The following WNK2 variants were observed in gnomAD, a reference collection of about 807,000 sequenced individuals.
WNK2 encodes WNK lysine deficient protein kinase 2, also known as serine/threonine-protein kinase WNK2.
In WNK2, 67 loss-of-function variants were observed where a neutral mutation model predicts 192.1. The ratio of observed to expected loss-of-function variants is 0.35; its 90% CI spans 0.29 to 0.43. The LOEUF (loss-of-function observed/expected upper bound fraction) is 0.43, where lower values mean the gene tolerates loss of function less well. WNK2 is among the 20% of genes least tolerant of loss of function. The pLI is 1.00. For missense variants in WNK2, 2,698 were observed against 3,089.7 expected (o/e 0.87, Z 3.01); for synonymous variants, 1,439 against 1,393.9 (o/e 1.03, Z -0.72).
intron 19 of WNK2, among the ~76,000 whole-genome samples, chr9:93,288,578 G>A (rs1371461781): frequency 6.6e-6 from 1 of 152,192 alleles, no homozygotes; most frequent in Admixed American, 6.5e-5. Context: ...GAAGCTGGTG[G>A]CTCAGAGACC....
At chr9:93,271,996 A>G (rs1846065364) in intron 19 of WNK2, among the ~76,000 whole-genome samples, 1 of 152,218 alleles carries the variant, frequency 6.6e-6, no homozygotes, top group South Asian at 2.1e-4. Context: ...GAAAGAAAAA[A>G]CTGTCCATCT....
intron 2 of WNK2, among the ~76,000 whole-genome samples, chr9:93,226,781 G>A (rs1475396480): frequency 6.6e-6 from 1 of 152,116 alleles, no homozygotes; most frequent in African/African-American, 2.4e-5. Flanking sequence ...GCCTTCACCT[G>A]TGCTACTGAG....
At chr9:93,238,470 G>C in intron 6 of WNK2, 149 bp downstream of exon 6, 1 of 745,952 alleles carries the variant, frequency 1.3e-6, no homozygotes, top group Non-Finnish European at 2.3e-6. Flanking sequence ...GGGCTGGTGA[G>C]CATGTCGGCC....
chr9:93,292,160 G>A (rs1471400542), intron 21 of WNK2, 148 bp from the exon 22 acceptor site: 6 of 741,736 alleles, frequency 8.1e-6, no homozygotes, highest in South Asian at 5.1e-5. Context: ...AGCACACACA[G>A]CTGGCTCCTC....
rs1032437275 is a variant in WNK2, at chr9:93,297,943, C to G, written c.5799C>G (p.Asn1933Lys). The G allele has an allele frequency of 1.2e-5, 19 of 1,587,314 alleles. No individual in the cohort carries two copies. The highest frequency in any genetic ancestry group is 1.7e-4 in the Middle Eastern group (1 of 6,050). The change falls in exon 24 of 30, where the codon AAC becomes AAG. Residue 1933 changes from asparagine to lysine, a missense_variant. Asn to Lys is a moderately conservative substitution (Grantham distance 94). This residue lies in a region of WNK2 where 1,098 missense variants were observed against 1,101.0 expected (regional missense o/e 1.00). Transcript: ENST00000427277. ...GCCTGGGCAAGCCACTGCCCCCCAA[C>G]GTGGGCTTCTTCCACACGGCACCCC... ...YRRLGKPLPP[N>K]VGFFHTAPPT...
intron 2 of WNK2, among the ~76,000 whole-genome samples, chr9:93,192,299 G>T (rs1587756721): frequency 6.6e-6 from 1 of 151,824 alleles, no homozygotes; most frequent in East Asian, 1.9e-4. Context: ...GCGACAGAGC[G>T]AGACTCCGTC....
chr9:93,302,734 A>G (rs1851829850), intron 26 of WNK2, among the ~76,000 whole-genome samples: 1 of 152,138 alleles, frequency 6.6e-6, no homozygotes, highest in African/African-American at 2.4e-5. Flanking sequence ...CTCAAGGTGC[A>G]GGACAGGGAA....
intron 7 of WNK2, among the ~76,000 whole-genome samples, chr9:93,244,786 C>T (rs776933668): frequency 2.6e-5 from 4 of 152,342 alleles, no homozygotes; most frequent in African/African-American, 4.8e-5. Context: ...ACACCTGCCT[C>T]GGCCTCCCTG....
chr9:93,202,325 C>CGT (rs761769543), intron 2 of WNK2, among the ~76,000 whole-genome samples: 7,112 of 130,448 alleles, frequency 0.055, 219 homozygotes, highest in African/African-American at 0.082. Context: ...TCCGTGTGCA[C>CGT]GTGTGTGTGT....
At chr9:93,203,076 G>C (rs891926011) in intron 2 of WNK2, among the ~76,000 whole-genome samples, 2 of 151,980 alleles carry the variant, frequency 1.3e-5, no homozygotes, top group African/African-American at 4.8e-5. Context: ...CAGGCCTTGT[G>C]GGGTGGGGCA....
At chr9:93,234,339 C>A (rs888626237) in intron 4 of WNK2, among the ~76,000 whole-genome samples, 1 of 152,170 alleles carries the variant, frequency 6.6e-6, no homozygotes, top group Non-Finnish European at 1.5e-5. Context: ...GTGTACCCAG[C>A]CTTTCCCCAC....
chr9:93,213,129 G>A (rs1175414655), intron 2 of WNK2, among the ~76,000 whole-genome samples: 1 of 152,094 alleles, frequency 6.6e-6, no homozygotes, highest in Non-Finnish European at 1.5e-5. Flanking sequence ...TCTTGGGAAG[G>A]GATATAAGAG....
rs537020225 is a variant in WNK2, at chr9:93,308,378, G to A, written c.6310G>A (p.Ala2104Thr). 55 of 1,564,710 alleles carry A rather than the reference G, an allele frequency of 3.5e-5. No homozygotes were observed. Among genetic ancestry groups the A allele is most frequent in the Admixed American group, 5.7e-5 (3 of 52,348 alleles). Residue 2104 changes from alanine (A) to threonine (T), a missense_variant, in exon 28 of 30, where the codon GCC becomes ACC. Transcript: ENST00000427277. The stretch of plus-strand genomic sequence containing the variant: ...AGGCCCTGAGCCAGGCCCCCAGCCC[G>A]CCCTGCACGTCCAGGCGCAGGTGAA... ...APGPEPGPQP[A>T]LHVQAQVNNS...
At position 93,257,800 on chromosome 9, in the gene WNK2, T is replaced by C. The variant is rs375733004; in HGVS notation, c.2382+661T>C. Among the ~76,000 whole-genome samples the C allele has an allele frequency of 1.3e-5, 2 of 152,194 alleles. No individual in the cohort carries two copies. The highest frequency in any genetic ancestry group is 4.8e-5 in the African/African-American group (2 of 41,436). ...ACAGCTGAAGTGACTTCTGCTGTCT[T>C]TCTCTGGGTACACTGTCTTTCACTC... is the stretch of plus-strand genomic sequence containing the variant. On this transcript the variant is annotated intron_variant, in intron 11 of 29. Transcript: ENST00000427277. This position sits in a 1 kb window ranked among gnomAD's most constrained non-coding sequence, Gnocchi z 4.7.
chr9:93,263,646 G>T lies in WNK2; in HGVS notation c.3491G>T (p.Gly1164Val), dbSNP rs1380801504. ...EGAFGGGRLE[G>V]RAARKHHRRS... The stretch of plus-strand genomic sequence containing the variant: ...GCCTTTGGAGGGGGCAGGCTGGAGG[G>T]CAGGGCAGCCCGAAAACACCACCGC... Residue 1164 changes from glycine (G) to valine (V), a missense_variant, in exon 15 of 30, where the codon GGC (glycine) becomes GTC (valine). Transcript: ENST00000427277. 4 of 1,604,184 alleles carry T rather than the reference G, an allele frequency of 2.5e-6. No homozygotes were observed. Among genetic ancestry groups the T allele is most frequent in the Non-Finnish European group, 2.5e-6 (3 of 1,177,582 alleles).
chr9:93,266,015 A>T (rs1229325005), intron 16 of WNK2, among the ~76,000 whole-genome samples: 1 of 152,180 alleles, frequency 6.6e-6, no homozygotes, highest in Non-Finnish European at 1.5e-5. Context: ...TAGTAAACCA[A>T]GTCACCTAAC....
At position 93,268,637 on chromosome 9, in the gene WNK2, C is replaced by T. The variant is rs56072286; in HGVS notation, c.3924C>T (p.Thr1308=). 8.5e-4 allele frequency: 1,377 copies of T among 1,612,622 alleles called. 1 individual carries two copies. The highest frequency in any genetic ancestry group is 1.0e-3 in the Non-Finnish European group (1,186 of 1,179,516). ...APVYQQNVLH[T]GKRWFIICPV... is the part of the protein sequence containing the mutation. Reference sequence around the variant, plus strand: ...TGTTCTGCCCTTCAGTCCTGCACACCGGGAAGAGGTGGTTCATCATCTGTC... The same window carrying T: ...TGTTCTGCCCTTCAGTCCTGCACACTGGGAAGAGGTGGTTCATCATCTGTC... Residue 1308 remains threonine (T), a synonymous_variant, in exon 19 of 30, where the codon ACC becomes ACT. Transcript: ENST00000427277.
chr9:93,297,856 C>T lies in WNK2; in HGVS notation c.5712C>T (p.His1904=). ...KKELQSLREK[H]LKEISELQSQ... ...TCCCTCCTGTCCCCTCCTGCAGGCA[C>T]CTGAAGGAGATCTCGGAGCTGCAGA... The change falls in exon 24 of 30, where the codon CAC becomes CAT. Residue 1904 remains histidine (H), a synonymous_variant. Coordinates refer to ENST00000427277, the MANE Select transcript of WNK2 (RefSeq NM_006648.4). 1.3e-6 allele frequency: 2 copies of T among 1,578,834 alleles called. No homozygotes were observed. The highest frequency in any genetic ancestry group is 1.7e-6 in the Non-Finnish European group (2 of 1,163,754).
chr9:93,274,802 C>T (rs1846535311), intron 19 of WNK2, among the ~76,000 whole-genome samples: 3 of 152,122 alleles, frequency 2.0e-5, no homozygotes, highest in African/African-American at 4.8e-5. Flanking sequence ...AAAGAATTCT[C>T]CAGGCCAAAA....
Sources: allele counts gnomAD v4.1 joint callset (sites outside exome capture counted in the v4.1 genomes callset), GRCh38; gene constraint gnomAD v4.1.1; regional missense constraint gnomAD v4.1.1; non-coding constraint Gnocchi (gnomAD v3.1); transcripts MANE v1.5; gene names NCBI Gene and HGNC (gene_info 2026-07-23, HGNC 2026-07-21).